The following OPRM1 variants were observed in gnomAD, a reference collection of about 807,000 sequenced individuals.
OPRM1 encodes mu-type opioid receptor.
In OPRM1, 27 loss-of-function variants were observed where a neutral mutation model predicts 31.8. The observed-to-expected ratio is 0.85, with a 90% CI of 0.63 to 1.17. The LOEUF (loss-of-function observed/expected upper bound fraction) is 1.17. OPRM1 is among the 50% of genes most tolerant of loss of function. OPRM1 has a pLI of 0.00. For synonymous variants in OPRM1, 196 were observed against 189.9 expected, an observed-to-expected ratio of 1.03 and a Z score of -0.26; for missense variants, 536 against 511.1, an observed-to-expected ratio of 1.05 and a Z score of -0.47.
chr6:154,050,554 A>G (rs538833482), intron 1 of OPRM1, among the ~76,000 whole-genome samples: 157 of 151,958 alleles, frequency 1.0e-3, no homozygotes, highest in Middle Eastern at 3.4e-3. Flanking sequence ...AATCAAATCA[A>G]TTGAATTCAT....
chr6:154,205,893 C>T (rs555054532), intron 3 of OPRM1, among the ~76,000 whole-genome samples: 1 of 152,158 alleles, frequency 6.6e-6, no homozygotes, highest in Non-Finnish European at 1.5e-5. Context: ...ACTAGGATTA[C>T]AATAGCAGAC....
chr6:154,130,846 G>A lies in OPRM1; in HGVS notation c.*12125G>A, dbSNP rs958694905. 2.0e-5 allele frequency among the ~76,000 whole-genome samples: 3 copies of A among 151,770 alleles called. No homozygotes were observed. Among genetic ancestry groups the A allele is most frequent in the African/African-American group, 7.3e-5 (3 of 41,312 alleles). Reference sequence around the variant, plus strand: ...AAGAAAAAATGCCTGTTTTCACTAAGTCATCCTTCCCCTGGCAATACATTT... The same window carrying A: ...AAGAAAAAATGCCTGTTTTCACTAAATCATCCTTCCCCTGGCAATACATTT... On this transcript the variant is annotated 3_prime_UTR_variant, in exon 4 of 4. Coordinates refer to ENST00000330432, the MANE Select transcript of OPRM1 (RefSeq NM_000914.5).
chr6:154,231,590 G>A (rs997855951), intron 3 of OPRM1, among the ~76,000 whole-genome samples: 5 of 152,210 alleles, frequency 3.3e-5, no homozygotes, highest in African/African-American at 9.6e-5. Flanking sequence ...AGGACATAGT[G>A]AGAGAAAAAG....
At chr6:154,164,149 T>A (rs1243734103) in intron 3 of OPRM1, among the ~76,000 whole-genome samples, 1 of 152,222 alleles carries the variant, frequency 6.6e-6, no homozygotes, top group Admixed American at 6.5e-5. Context: ...CAAAGGAAGA[T>A]CCTAATTTTT....
At chr6:154,080,927 A>C (rs60163419) in intron 1 of OPRM1, among the ~76,000 whole-genome samples, 2,881 of 152,324 alleles carry the variant, frequency 0.019, 115 homozygotes, top group African/African-American at 0.066. Flanking sequence ...CTTCCAAAAA[A>C]TAAGTCTTGT....
chr6:154,233,433 C>T (rs1415122281), intron 3 of OPRM1, among the ~76,000 whole-genome samples: 7 of 151,962 alleles, frequency 4.6e-5, no homozygotes, highest in African/African-American at 7.3e-5. Context: ...AATATTGTTG[C>T]GTTTGGGTTT....
At position 154,026,551 on chromosome 6, in the gene OPRM1, T is replaced by A. The variant is rs562713328; in HGVS notation, c.1-12610T>A. Among the ~76,000 whole-genome samples the A allele has an allele frequency of 1.6e-4, 25 of 152,336 alleles. 1 individual carries two copies. Among genetic ancestry groups the A allele is most frequent in the Admixed American group, 1.2e-3 (19 of 15,306 alleles). ...TACCCTAATCTCATTCTCTACTTCCTCTTTAAGGCCAATAACTCTTAGATT... is the reference window on the plus strand; with the variant it reads ...TACCCTAATCTCATTCTCTACTTCCACTTTAAGGCCAATAACTCTTAGATT... On this transcript the variant is annotated intron_variant, in intron 1 of 5. Coordinates refer to the OPRM1 transcript ENST00000434900.
At chr6:154,095,381 G>A (rs1793185218) in intron 3 of OPRM1, among the ~76,000 whole-genome samples, 1 of 152,198 alleles carries the variant, frequency 6.6e-6, no homozygotes, top group Non-Finnish European at 1.5e-5. Flanking sequence ...TGAGAGGGCT[G>A]AGGATATTTC....
intron 3 of OPRM1, chr6:154,222,885 C>G (rs1778976741): frequency 2.4e-6 from 1 of 410,870 alleles, no homozygotes; most frequent in African/African-American, 2.0e-5. Context: ...ACCTCCCTGC[C>G]AGTCCTGGAG....
chr6:154,065,877 A>G (rs1785293451), intron 1 of OPRM1, among the ~76,000 whole-genome samples: 1 of 152,216 alleles, frequency 6.6e-6, no homozygotes. Flanking sequence ...TCAGCCTTTC[A>G]ACATTGAGTA....
In OPRM1 at chr6:154,129,887, A is replaced by ACACACACAC. The variant is rs1797796561; in HGVS notation, c.*11168_*11169insCACACACCA. Among the ~76,000 whole-genome samples, 1 of 144,326 alleles carries ACACACACAC rather than the reference A, an allele frequency of 6.9e-6. No homozygotes were observed. The highest frequency in any genetic ancestry group is 2.8e-5 in the African/African-American group (1 of 35,860). 94.7% of individuals were successfully genotyped at this position (144,326 alleles called of 152,430 possible). A position where few individuals can be genotyped will look rare whatever the true frequency, so the allele number is the denominator to read the frequency against. On this transcript the variant is annotated 3_prime_UTR_variant, in exon 4 of 4. Coordinates refer to ENST00000330432, the MANE Select transcript of OPRM1 (RefSeq NM_000914.5). ...ACACACACACACACACACACACACA[A>ACACACACAC]CATAGTGAAATGGACCCGTGGGAAT...
chr6:154,114,497 C>T (rs942559132), intron 3 of OPRM1, among the ~76,000 whole-genome samples: 17 of 151,880 alleles, frequency 1.1e-4, no homozygotes, highest in African/African-American at 3.4e-4. Flanking sequence ...CACCTATTGG[C>T]GATAAATAAC....
chr6:154,070,566 C>CA (rs1017943756), intron 1 of OPRM1, among the ~76,000 whole-genome samples: 21 of 152,168 alleles, frequency 1.4e-4, no homozygotes, highest in Non-Finnish European at 4.4e-5. Context: ...TTATAATGCT[C>CA]AAAAACAGTA....
chr6:154,077,828 A>G (rs1188463861), intron 1 of OPRM1, among the ~76,000 whole-genome samples: 1 of 151,894 alleles, frequency 6.6e-6, no homozygotes, highest in Non-Finnish European at 1.5e-5. Flanking sequence ...AAATATCTCT[A>G]AAGAGTTTTC....
chr6:154,064,605 G>T (rs781497373), intron 1 of OPRM1, among the ~76,000 whole-genome samples: 1 of 149,532 alleles, frequency 6.7e-6, no homozygotes, highest in Non-Finnish European at 1.5e-5. Context: ...TTTCTCTTAA[G>T]GGTTGTATAA....
chr6:154,141,534 G>T (rs547842643), intron 3 of OPRM1, among the ~76,000 whole-genome samples: 5 of 152,330 alleles, frequency 3.3e-5, no homozygotes, highest in Admixed American at 2.0e-4. Context: ...AGAGGTTGAG[G>T]ATGTGCAGCT....
rs1194794442 is a variant in OPRM1, at chr6:154,054,367, C to CAA, written c.290+14555_290+14556dup. 1.0e-2 allele frequency among the ~76,000 whole-genome samples: 520 copies of CAA among 52,098 alleles called. 6 individuals carry two copies. The highest frequency in any genetic ancestry group is 0.028 in the African/African-American group (446 of 15,842). 34.2% of individuals were successfully genotyped at this position (52,098 alleles called of 152,430 possible). ...CTGGTGACAGAGCGAGACTCCGTCT[C>CAA]AAAAAAAAAAAAAAAAAAAAAAAGG... On this transcript the variant is annotated intron_variant, in intron 1 of 3. Transcript: ENST00000330432.
chr6:154,232,467 G>GA (rs142748983), intron 3 of OPRM1, among the ~76,000 whole-genome samples: 2,260 of 152,266 alleles, frequency 0.015, 51 homozygotes, highest in African/African-American at 0.051. Flanking sequence ...CCAAGTGCCA[G>GA]ACCTAGAACA....
Position 154,039,796 on chromosome 6 carries a change from G to A in OPRM1, c.252G>A (p.Gly84=). ...TCTACTCCATCGTGTGCGTGGTGGG[G>A]CTCTTCGGAAACTTCCTGGTCATGT... The part of the protein sequence containing the change: ...MALYSIVCVV[G]LFGNFLVMYV... Residue 84 remains glycine, a synonymous_variant, in exon 1 of 4, where the codon GGG becomes GGA. Transcript: ENST00000330432. 1.3e-6 allele frequency: 2 copies of A among 1,597,644 alleles called. No individual in the cohort carries two copies. Among genetic ancestry groups the A allele is most frequent in the African/African-American group, 2.7e-5 (2 of 74,952 alleles).
Sources: allele counts gnomAD v4.1 joint callset (sites outside exome capture counted in the v4.1 genomes callset), GRCh38; gene constraint gnomAD v4.1.1; transcripts MANE v1.5; gene names NCBI Gene and HGNC (gene_info 2026-07-23, HGNC 2026-07-21).